The following CGGBP1 variants were observed in gnomAD, a reference collection of about 807,000 sequenced individuals.
CGGBP1 encodes the protein CGG triplet repeat-binding protein 1.
In CGGBP1, 4 loss-of-function variants were observed where a neutral mutation model predicts 11.4. The ratio of observed to expected loss-of-function variants is 0.35; its 90% confidence interval spans 0.17 to 0.80. CGGBP1 has a LOEUF of 0.80. Ranked by LOEUF, CGGBP1 falls within the 30% of genes least tolerant of loss-of-function variation. The pLI, the probability that CGGBP1 is intolerant of heterozygous loss-of-function variation, is 0.52. For missense variants in CGGBP1, 135 were observed against 202.1 expected (o/e 0.67, Z 2.01); for synonymous variants, 76 against 74.1 (o/e 1.03, Z -0.13).
intron 1 of CGGBP1, among the ~76,000 whole-genome samples, chr3:88,149,551 C>A (rs1300135445): frequency 1.3e-5 from 2 of 152,252 alleles, no homozygotes; most frequent in Non-Finnish European, 2.9e-5. Context: ...ATTTAAGGAA[C>A]CAAACTACCG....
intron 1 of CGGBP1, chr3:88,143,845 A>G (rs1707238998): frequency 6.6e-6 from 1 of 151,928 alleles, no homozygotes; most frequent in Non-Finnish European, 1.5e-5. Context: ...TATACTTCTC[A>G]AATAGCTATT....
At chr3:88,130,314 A>C (rs866038025) in intron 2 of CGGBP1, among the ~76,000 whole-genome samples, 7 of 152,328 alleles carry the variant, frequency 4.6e-5, no homozygotes, top group Middle Eastern at 3.4e-3. Flanking sequence ...TCTTAACAGA[A>C]AACTAGGTTT....
upstream of CGGBP1, among the ~76,000 whole-genome samples, chr3:88,061,200 T>C (rs1706861453): frequency 6.6e-6 from 1 of 152,168 alleles, no homozygotes; most frequent in African/African-American, 2.4e-5. Flanking sequence ...TTTATATTTT[T>C]AATATATTCA....
chr3:88,125,640 C>T (rs1396916919), intron 2 of CGGBP1, among the ~76,000 whole-genome samples: 1 of 152,074 alleles, frequency 6.6e-6, no homozygotes, highest in African/African-American at 2.4e-5. Context: ...CAGCCTTCTA[C>T]CACGATTTAG....
upstream of CGGBP1, among the ~76,000 whole-genome samples, chr3:88,062,230 C>CTT (rs1706926482): frequency 6.6e-6 from 1 of 152,174 alleles, no homozygotes; most frequent in Admixed American, 6.5e-5. Flanking sequence ...CCTACTAACT[C>CTT]TTAAGCTTCA....
intron 2 of CGGBP1, among the ~76,000 whole-genome samples, chr3:88,124,901 G>GATTCTCTGA (rs1705996863): frequency 6.6e-6 from 1 of 151,498 alleles, no homozygotes; most frequent in Non-Finnish European, 1.5e-5. Context: ...TGTCAAATTC[G>GATTCTCTGA]ATTCTCTGAA....
At chr3:88,058,792 C>A (rs1393502932) in intron 1 of CGGBP1, 23 bp downstream of exon 1, 1 of 152,596 alleles carries the variant, frequency 6.6e-6, no homozygotes, top group African/African-American at 2.4e-5. Context: ...GGCCCACCCT[C>A]GGCCTCCCTA....
intron 2 of CGGBP1, chr3:88,139,821 A>G (rs1247435511): frequency 6.4e-7 from 1 of 1,565,366 alleles, no homozygotes; most frequent in South Asian, 1.2e-5. Flanking sequence ...TTATGACCTG[A>G]ATCAAGAAAC....
At chr3:88,088,524 T>C (rs887766758) in intron 2 of CGGBP1, among the ~76,000 whole-genome samples, 1 of 152,092 alleles carries the variant, frequency 6.6e-6, no homozygotes, top group Non-Finnish European at 1.5e-5. Flanking sequence ...GAAAATATGA[T>C]GGTTAAAATT....
Position 88,051,984 on chromosome 3 carries a change from TCA to T in CGGBP1, c.*3487_*3488del, listed in dbSNP as rs1333659676. 6.6e-6 allele frequency: 1 copy of T among 152,530 alleles called. No individual in the cohort carries two copies. The highest frequency in any genetic ancestry group is 1.5e-5 in the Non-Finnish European group (1 of 68,030). 9.4% of individuals were successfully genotyped at this position (152,530 alleles called of 1,614,324 possible). On this transcript the variant is annotated 3_prime_UTR_variant, in exon 4 of 4. Coordinates refer to ENST00000482016, the MANE Select transcript of CGGBP1 (RefSeq NM_001008390.2). ...ATCAGGAAATATATTTGTCATTGAC[TCA>T]CAAAACAAAATGTGCTTTCAAAATC...
intron 2 of CGGBP1, among the ~76,000 whole-genome samples, chr3:88,073,004 A>G (rs569704689): frequency 6.6e-6 from 1 of 152,312 alleles, no homozygotes; most frequent in South Asian, 2.1e-4. Context: ...TGAAGAAAGG[A>G]AATAGTATGG....
At chr3:88,112,262 ATTTGT>A (rs1208230429) in intron 2 of CGGBP1, among the ~76,000 whole-genome samples, 11 of 136,242 alleles carry the variant, frequency 8.1e-5, no homozygotes, top group Admixed American at 6.5e-4. Context: ...TCTATTAGTG[ATTTGT>A]TTTGATTAAA....
chr3:88,076,211 A>T (rs1421063665), intron 2 of CGGBP1, among the ~76,000 whole-genome samples: 1 of 152,054 alleles, frequency 6.6e-6, no homozygotes, highest in East Asian at 1.9e-4. Context: ...TTTATTATAG[A>T]CTTTCTGCCT....
At chr3:88,069,584 A>G (rs1576196006) in intron 2 of CGGBP1, among the ~76,000 whole-genome samples, 1 of 152,194 alleles carries the variant, frequency 6.6e-6, no homozygotes, top group African/African-American at 2.4e-5. Context: ...TTACCACACT[A>G]TATCCCCAGT....
chr3:88,132,109 CTGTGTTCAAGCCATTCAATAT>C (rs1210456419), intron 2 of CGGBP1, among the ~76,000 whole-genome samples: 10 of 152,018 alleles, frequency 6.6e-5, no homozygotes, highest in Non-Finnish European at 1.3e-4. Flanking sequence ...GGAAATAATA[CTGTGTTCAAGCCATTCAATAT>C]TGTGTTCAAG....
chr3:88,080,874 A>G (rs1193904647), intron 2 of CGGBP1, among the ~76,000 whole-genome samples: 8 of 152,242 alleles, frequency 5.3e-5, no homozygotes, highest in Non-Finnish European at 8.8e-5. Context: ...AATGCAGTAC[A>G]GCTATCAAGA....
intron 2 of CGGBP1, among the ~76,000 whole-genome samples, chr3:88,071,049 A>G (rs923588763): frequency 5.3e-5 from 8 of 152,142 alleles, no homozygotes; most frequent in African/African-American, 1.4e-4. Context: ...TCGGTTCTCA[A>G]TTTATTACTT....
intron 2 of CGGBP1, among the ~76,000 whole-genome samples, chr3:88,095,040 A>G (rs971479408): frequency 1.3e-5 from 2 of 152,182 alleles, no homozygotes; most frequent in Non-Finnish European, 2.9e-5. Flanking sequence ...GAACAGAATT[A>G]TAGAATTCAA....
At chr3:88,104,674 A>T (rs1704626361) in intron 2 of CGGBP1, among the ~76,000 whole-genome samples, 1 of 152,208 alleles carries the variant, frequency 6.6e-6, no homozygotes, top group African/African-American at 2.4e-5. Context: ...TGTAAACTCT[A>T]GAGTAACCGC....
Sources: gnomAD v4.1 joint callset for allele counts (sites outside exome capture counted in the v4.1 genomes callset) on GRCh38, gnomAD v4.1.1 for gene constraint, MANE v1.5 for transcripts, NCBI Gene and HGNC (gene_info 2026-07-23, HGNC 2026-07-21) for gene names.